Variants in STON1 observed in about 807,000 individuals in gnomAD.
The protein encoded by STON1 is stonin 1, also known as stonin-1.
In STON1, 79 loss-of-function variants were observed where a neutral mutation model predicts 60.9. The ratio of observed to expected loss-of-function variants is 1.30; its 90% CI spans 1.08 to 1.56. The LOEUF (loss-of-function observed/expected upper bound fraction) is 1.56. Among genes scored for constraint, STON1 ranks in the 40% most tolerant of loss-of-function variants. The probability of loss-of-function intolerance (pLI) is 0.00; values close to 1 mark genes in which losing one functional copy is unlikely to be tolerated. For missense variants in STON1, 1,166 were observed against 858.9 expected, an observed-to-expected ratio of 1.36 and a Z score of -4.47; for synonymous variants, 363 against 306.9, an observed-to-expected ratio of 1.18 and a Z score of -1.91.
At position 48,584,313 on chromosome 2, in the gene STON1, G is replaced by C. The variant is rs985774414; in HGVS notation, c.1930+1750G>C. Among the ~76,000 whole-genome samples the C allele has an allele frequency of 2.0e-5, 3 of 152,112 alleles. No individual in the cohort carries two copies. The South Asian group carries it at 6.2e-4, about 32-fold the overall frequency. ...TTTTGAGATGGAGTCTTACTCTGTT[G>C]CTCAGGCTGGAGTGCAGTGCGATAG... On this transcript the variant is annotated intron_variant, in intron 2 of 3. Transcript: ENST00000404752.
In STON1 at chr2:48,598,479, T is replaced by A. The variant is rs530426803; in HGVS notation, c.*3177T>A. On this transcript the variant is annotated 3_prime_UTR_variant, in exon 4 of 4. Coordinates refer to ENST00000404752, the MANE Select transcript of STON1 (RefSeq NM_006873.4). ...ACAAAATATTTTGTAGATTACATAT[T>A]GATTTTTCAAAAATTAAAAATGTAT... The A allele has an allele frequency of 6.5e-6, 1 of 152,778 alleles. No homozygotes were observed. The highest frequency in any genetic ancestry group is 2.4e-5 in the African/African-American group (1 of 41,590). 9.5% of individuals were successfully genotyped at this position (152,778 alleles called of 1,614,324 possible). A position where few individuals can be genotyped will look rare whatever the true frequency, so the allele number is the denominator to read the frequency against.
chr2:48,531,960 A>G (rs1671227919), intron 1 of STON1: 1 of 152,082 alleles, frequency 6.6e-6, no homozygotes, highest in African/African-American at 2.4e-5. Flanking sequence ...AAAGGATGTA[A>G]TTCACTTCTC....
At chr2:48,537,968 T>C (rs1671499109) in intron 1 of STON1, among the ~76,000 whole-genome samples, 1 of 152,052 alleles carries the variant, frequency 6.6e-6, no homozygotes, top group South Asian at 2.1e-4. Flanking sequence ...TTATCTTTTT[T>C]TTTTCGAGAC....
intron 1 of STON1, among the ~76,000 whole-genome samples, chr2:48,542,670 C>T (rs1337639796): frequency 2.0e-5 from 3 of 152,020 alleles, no homozygotes; most frequent in African/African-American, 4.8e-5. Flanking sequence ...TTTGGGAGGC[C>T]GAGGTGGGTG....
chr2:48,560,115 T>C (rs1337684896), intron 1 of STON1, among the ~76,000 whole-genome samples: 1 of 152,192 alleles, frequency 6.6e-6, no homozygotes, highest in Non-Finnish European at 1.5e-5. Context: ...AGCAAACTGA[T>C]TGGTTTCACT....
rs1673947454 is a variant in STON1 at position 48,582,439 on chromosome 2, T to G, written c.1806T>G (p.Cys602Trp). 3.7e-6 allele frequency: 6 copies of G among 1,614,196 alleles called. No individual in the cohort carries two copies. Among genetic ancestry groups the G allele is most frequent in the Non-Finnish European group, 5.1e-6 (6 of 1,180,036 alleles). Residue 602 changes from cysteine (C) to tryptophan (W), a missense_variant, in exon 2 of 4, where the codon TGT (cysteine) becomes TGG (tryptophan). Coordinates refer to ENST00000404752, the MANE Select transcript of STON1 (RefSeq NM_006873.4). ...SLKAKMNRRA[C>W]LGSLQELESE... ...AAGCTAAAATGAACCGCCGAGCATG[T>G]CTGGGGAGTTTACAGGAACTTGAAT... is the stretch of plus-strand genomic sequence containing the variant.
In STON1 at chr2:48,567,927, G is replaced by A. The variant is rs148738846; in HGVS notation, c.-47-12660G>A. 4.8e-3 allele frequency among the ~76,000 whole-genome samples: 735 copies of A among 152,306 alleles called. 7 individuals are homozygous for A. The highest frequency in any genetic ancestry group is 0.016 in the African/African-American group (685 of 41,554). ...TACAGTGTTGCTCTTGAGGAGTCTG[G>A]CGCTATAGGGAGTCTGAGAATTCCT... On this transcript the variant is annotated intron_variant, in intron 1 of 3. Transcript: ENST00000404752.
intron 1 of STON1, among the ~76,000 whole-genome samples, chr2:48,567,244 T>C (rs1196349594): frequency 6.6e-6 from 1 of 152,206 alleles, no homozygotes; most frequent in African/African-American, 2.4e-5. Context: ...ACATATGTGC[T>C]AATAATATGG....
intron 1 of STON1, among the ~76,000 whole-genome samples, chr2:48,565,365 A>T (rs1391529897): frequency 1.3e-5 from 2 of 151,966 alleles, no homozygotes; most frequent in African/African-American, 4.8e-5. Context: ...GACTTCTTAT[A>T]CAGGTACTAA....
Position 48,595,318 on chromosome 2 carries a change from A to G in STON1, c.*16A>G. 2 of 1,605,042 alleles carry G rather than the reference A, an allele frequency of 1.2e-6. No homozygotes were observed. Among genetic ancestry groups the G allele is most frequent in the Non-Finnish European group, 1.7e-6 (2 of 1,171,928 alleles). The stretch of plus-strand genomic sequence containing the variant: ...AACTCAGTAGGAGTAGCAAGAGTTT[A>G]TGATGACAGCCCACTTGTCAAATAT... On this transcript the variant is annotated 3_prime_UTR_variant, in exon 4 of 4. Transcript: ENST00000404752.
At chr2:48,540,101 G>C (rs533510532) in intron 1 of STON1, among the ~76,000 whole-genome samples, 1 of 152,218 alleles carries the variant, frequency 6.6e-6, no homozygotes, top group East Asian at 1.9e-4. Flanking sequence ...TCCATACATT[G>C]ACCTAACTTC....
chr2:48,576,856 C>T (rs1673537226), intron 1 of STON1, among the ~76,000 whole-genome samples: 1 of 150,948 alleles, frequency 6.6e-6, no homozygotes, highest in Non-Finnish European at 1.5e-5. Flanking sequence ...AGATTGAGAC[C>T]ATCCTGGCTA....
At chr2:48,586,550 A>G (rs1572642130) in intron 2 of STON1, among the ~76,000 whole-genome samples, 3 of 152,312 alleles carry the variant, frequency 2.0e-5, no homozygotes. Context: ...GGGAGAGTCA[A>G]TAGAGTTTCC....
In STON1 at chr2:48,547,741, G is replaced by GCATA. The variant is rs1671920755; in HGVS notation, c.-48+17526_-48+17529dup. Among the ~76,000 whole-genome samples the GCATA allele has an allele frequency of 2.6e-5, 4 of 152,348 alleles. No homozygotes were observed. In the South Asian group the frequency reaches 8.3e-4, roughly 32 times the overall value. ...TTAGATTTAGTTGATGTCTCCCGGA[G>GCATA]CATAGATAGAAGCCGGGAGGAGGTT... On this transcript the variant is annotated intron_variant, in intron 1 of 3. Transcript: ENST00000404752.
At chr2:48,542,235 C>T (rs530241638) in intron 1 of STON1, among the ~76,000 whole-genome samples, 1 of 152,212 alleles carries the variant, frequency 6.6e-6, no homozygotes, top group African/African-American at 2.4e-5. Context: ...AAGCAGTCTA[C>T]ACAAAGATAT....
chr2:48,560,838 C>G (rs572229110), intron 1 of STON1, among the ~76,000 whole-genome samples: 1 of 152,308 alleles, frequency 6.6e-6, no homozygotes, highest in African/African-American at 2.4e-5. Context: ...TGCTTCCAGA[C>G]TGGCAGCCTA....
At chr2:48,554,716 T>TGGTAGTCTTTGAAATTCAA (rs1196623137) in intron 1 of STON1, among the ~76,000 whole-genome samples, 4 of 82,214 alleles carry the variant, frequency 4.9e-5, no homozygotes, top group African/African-American at 9.7e-5. Flanking sequence ...AATTTTTTTT[T>TGGTAGTCTTTGAAATTCAA]TTTTTTTTTA....
rs564005532 is a variant in STON1 at position 48,572,849 on chromosome 2, G to A, written c.-47-7738G>A. 5.9e-5 allele frequency among the ~76,000 whole-genome samples: 9 copies of A among 152,280 alleles called. No homozygotes were observed. In the East Asian group the frequency reaches 9.7e-4, roughly 16 times the overall value. On this transcript the variant is annotated intron_variant, in intron 1 of 3. Transcript: ENST00000404752. ...TGTGAGCCTCCTCGTGGGTCCCATC[G>A]AAACCCTGCTCTCCCTGCTCTGAGG...
chr2:48,589,765 T>C (rs1025784179), intron 2 of STON1, among the ~76,000 whole-genome samples: 1 of 152,224 alleles, frequency 6.6e-6, no homozygotes, highest in African/African-American at 2.4e-5. Context: ...ATGTGTAGTA[T>C]AATTTTTAAC....
Sources: allele counts gnomAD v4.1 joint callset (sites outside exome capture counted in the v4.1 genomes callset), GRCh38; gene constraint gnomAD v4.1.1; transcripts MANE v1.5; gene names NCBI Gene and HGNC (gene_info 2026-07-23, HGNC 2026-07-21).